Variants in SEMA6A observed in about 807,000 individuals in gnomAD.
The protein encoded by SEMA6A is semaphorin-6A.
SEMA6A carries 25 observed loss-of-function variants against 96.8 expected under a neutral mutation model. The ratio of observed to expected loss-of-function variants is 0.26; its 90% CI spans 0.19 to 0.36. SEMA6A has a LOEUF of 0.36. Ranked by LOEUF, SEMA6A falls within the 10% of genes least tolerant of loss-of-function variation. The probability of loss-of-function intolerance (pLI) is 1.00; values close to 1 mark genes in which losing one functional copy is unlikely to be tolerated. For missense variants in SEMA6A, 1,363 were observed against 1,323.1 expected (o/e 1.03, Z -0.47); for synonymous variants, 612 against 518.0 (o/e 1.18, Z -2.46).
intron 5 of SEMA6A, chr5:116,496,012 A>C: frequency 4.4e-6 from 2 of 454,120 alleles, no homozygotes; most frequent in Non-Finnish European, 8.0e-6. Context: ...CTTTGTGTCC[A>C]TAATCCTGTG....
At chr5:116,476,966 G>A (rs899437568) in intron 15 of SEMA6A, among the ~76,000 whole-genome samples, 53 of 152,308 alleles carry the variant, frequency 3.5e-4, no homozygotes, top group African/African-American at 1.2e-3. Context: ...CATCAGATAT[G>A]CCCTTGATCT....
intron 1 of SEMA6A, among the ~76,000 whole-genome samples, chr5:116,542,670 C>T (rs1023811584): frequency 2.0e-4 from 30 of 152,198 alleles, no homozygotes; most frequent in Non-Finnish European, 4.4e-4. Flanking sequence ...GAAGTTTGAT[C>T]ATTTGCAGAA....
intron 1 of SEMA6A, among the ~76,000 whole-genome samples, chr5:116,537,307 G>C (rs1759759422): frequency 6.6e-6 from 1 of 152,192 alleles, no homozygotes; most frequent in African/African-American, 2.4e-5. Flanking sequence ...TAAAGAAGCT[G>C]TTCTTCCAGA....
chr5:116,461,451 G>C (rs1755390581), intron 18 of SEMA6A, among the ~76,000 whole-genome samples: 2 of 149,858 alleles, frequency 1.3e-5, no homozygotes, highest in Non-Finnish European at 3.0e-5. Flanking sequence ...ATGCAAATTA[G>C]TATGAGTTTT....
At chr5:116,451,222 A>C (rs1300958388) in intron 18 of SEMA6A, among the ~76,000 whole-genome samples, 1 of 152,228 alleles carries the variant, frequency 6.6e-6, no homozygotes, top group East Asian at 1.9e-4. Context: ...GAAAGAGCTT[A>C]AATGCTGTAG....
At chr5:116,564,245 A>C (rs1027866650) in intron 1 of SEMA6A, among the ~76,000 whole-genome samples, 4 of 152,224 alleles carry the variant, frequency 2.6e-5, no homozygotes, top group African/African-American at 9.7e-5. Context: ...TTCTGAAATA[A>C]AAACTAGTCA....
At chr5:116,500,297 G>A (rs1346372778) in intron 3 of SEMA6A, among the ~76,000 whole-genome samples, 13 of 152,252 alleles carry the variant, frequency 8.5e-5, no homozygotes, top group African/African-American at 1.7e-4. Context: ...ACTCTAGAGC[G>A]AGACCATCCT....
chr5:116,460,783 C>CT (rs57285277), intron 18 of SEMA6A, among the ~76,000 whole-genome samples: 1,398 of 122,824 alleles, frequency 0.011, 18 homozygotes, highest in African/African-American at 0.034. Flanking sequence ...TTGTTAATCT[C>CT]TTTTTTTTTT....
intron 1 of SEMA6A, among the ~76,000 whole-genome samples, chr5:116,518,491 A>G (rs1364211942): frequency 5.3e-5 from 8 of 152,238 alleles, no homozygotes; most frequent in Non-Finnish European, 1.2e-4. Flanking sequence ...CCAGACCAGA[A>G]TAAGGAGGAA....
chr5:116,543,151 C>G (rs1760046865), intron 1 of SEMA6A, among the ~76,000 whole-genome samples: 2 of 152,116 alleles, frequency 1.3e-5, no homozygotes, highest in Non-Finnish European at 2.9e-5. Context: ...TGTGTTATGA[C>G]TATAACCGGA....
intron 18 of SEMA6A, among the ~76,000 whole-genome samples, chr5:116,448,755 CAAAAAAAAAAAAA>C (rs3984966): frequency 9.4e-6 from 1 of 106,544 alleles, no homozygotes; most frequent in South Asian, 3.3e-4. Context: ...CATCACCTCT[CAAAAAAAAAAAAA>C]AAAAAAAACA....
At chr5:116,553,783 G>C (rs536690270) in intron 1 of SEMA6A, among the ~76,000 whole-genome samples, 1 of 152,066 alleles carries the variant, frequency 6.6e-6, no homozygotes, top group African/African-American at 2.4e-5. Flanking sequence ...TGAGATGTTA[G>C]GGGGGAAAAA....
chr5:116,563,988 G>A (rs954904509), intron 1 of SEMA6A, among the ~76,000 whole-genome samples: 3 of 120,100 alleles, frequency 2.5e-5, no homozygotes, highest in Non-Finnish European at 6.3e-5. Context: ...AAACTGCTGT[G>A]ACACTTAAAG....
At chr5:116,544,980 C>T (rs1286564233) in intron 1 of SEMA6A, among the ~76,000 whole-genome samples, 2 of 152,186 alleles carry the variant, frequency 1.3e-5, no homozygotes, top group Non-Finnish European at 2.9e-5. Context: ...CACTAGCTCA[C>T]ATCTGTTCCC....
At chr5:116,491,512 G>A (rs1324399408) in intron 7 of SEMA6A, among the ~76,000 whole-genome samples, 4 of 151,876 alleles carry the variant, frequency 2.6e-5, no homozygotes, top group Admixed American at 1.3e-4. Flanking sequence ...CATGTTCAGC[G>A]CTATGCTGTT....
rs139474169 is a variant in SEMA6A, at chr5:116,538,741, TAAATA to T, written c.-38-33764_-38-33760del. ...GGCAACCTTCTAATGATAAAATAAA[TAAATA>T]AAATAAACATTTTAGACAAAACTAA... On this transcript the variant is annotated intron_variant, in intron 1 of 18. Coordinates refer to ENST00000343348, the MANE Select transcript of SEMA6A (RefSeq NM_020796.5). Among the ~76,000 whole-genome samples, 150 of 152,238 alleles carry T rather than the reference TAAATA, an allele frequency of 9.9e-4. 1 individual carries two copies. In the East Asian group the frequency reaches 0.022, roughly 22 times the overall value.
At chr5:116,506,377 T>C (rs982885715) in intron 1 of SEMA6A, among the ~76,000 whole-genome samples, 2 of 152,222 alleles carry the variant, frequency 1.3e-5, no homozygotes, top group African/African-American at 4.8e-5. Flanking sequence ...CATGTCTCCA[T>C]CTCTGATGTG....
chr5:116,558,448 C>CTTTTTT, intron 1 of SEMA6A, among the ~76,000 whole-genome samples: 1 of 34,738 alleles, frequency 2.9e-5, no homozygotes, highest in Non-Finnish European at 6.8e-5. Context: ...TTTAAGGATT[C>CTTTTTT]TTTTTTTTTT....
chr5:116,509,828 T>C (rs1394773934), intron 1 of SEMA6A, among the ~76,000 whole-genome samples: 1 of 152,160 alleles, frequency 6.6e-6, no homozygotes, highest in South Asian at 2.1e-4. Context: ...TGGGCTCTTG[T>C]TGTTGTGTCA....
Sources: gnomAD v4.1 joint callset for allele counts (sites outside exome capture counted in the v4.1 genomes callset) on GRCh38, gnomAD v4.1.1 for gene constraint, MANE v1.5 for transcripts, NCBI Gene and HGNC (gene_info 2026-07-23, HGNC 2026-07-21) for gene names.